Variants in KCNN3 observed in about 807,000 individuals in gnomAD.
KCNN3 encodes potassium calcium-activated channel subfamily N member 3.
KCNN3 carries 16 observed loss-of-function variants against 62.9 expected under a neutral mutation model. The ratio of observed to expected loss-of-function variants is 0.25; its 90% CI spans 0.17 to 0.39. The LOEUF is 0.39. Ranked by LOEUF, KCNN3 falls within the 10% of genes least tolerant of loss-of-function variation. The pLI is 1.00. For synonymous variants in KCNN3, 370 were observed against 389.2 expected (o/e 0.95, Z 0.58); for missense variants, 599 against 949.4 (o/e 0.63, Z 4.85).
intron 4 of KCNN3, 79 bp downstream of exon 4, chr1:154,732,924 G>A: frequency 6.6e-7 from 1 of 1,526,272 alleles, no homozygotes; most frequent in South Asian, 1.1e-5. Context: ...GGCTAGGAAG[G>A]CCCCTATGTG....
At chr1:154,779,716 T>C (rs72700250) in intron 2 of KCNN3, among the ~76,000 whole-genome samples, 339 of 152,232 alleles carry the variant, frequency 2.2e-3, no homozygotes, top group Non-Finnish European at 3.9e-3. Flanking sequence ...CAGTGGACCT[T>C]GTTGGCAAAT....
chr1:154,821,809 G>A (rs980864828), intron 2 of KCNN3, among the ~76,000 whole-genome samples: 2 of 152,220 alleles, frequency 1.3e-5, no homozygotes, highest in Admixed American at 6.5e-5. Context: ...TGAGGGTCCC[G>A]AATACGGCAG....
At chr1:154,855,444 G>A (rs1248905688) in intron 1 of KCNN3, among the ~76,000 whole-genome samples, 1 of 152,102 alleles carries the variant, frequency 6.6e-6, no homozygotes. Flanking sequence ...CATGGTAAGT[G>A]CCCTATACAG....
intron 1 of KCNN3, among the ~76,000 whole-genome samples, chr1:154,822,924 C>T (rs1650964125): frequency 6.6e-6 from 1 of 152,224 alleles, no homozygotes; most frequent in African/African-American, 2.4e-5. Context: ...GCATGACCTC[C>T]GGGGCCAGAC....
chr1:154,699,138 T>A lies in KCNN3; in HGVS notation c.*8838A>T, dbSNP rs1460604003. 1 of 150,378 alleles carries A rather than the reference T, an allele frequency of 6.6e-6. No individual in the cohort carries two copies. The highest frequency in any genetic ancestry group is 2.4e-5 in the African/African-American group (1 of 40,954). The allele number at this position is 150,378 out of a possible 1,614,324, so 9.3% of individuals were successfully genotyped here. A position where few individuals can be genotyped will look rare whatever the true frequency, so the allele number is the denominator to read the frequency against. On this transcript the variant is annotated 3_prime_UTR_variant, in exon 8 of 8. Coordinates refer to ENST00000271915, the MANE Select transcript of KCNN3 (RefSeq NM_002249.6). ...GAAAAATGTTTCCTCTTTGGTGACC[T>A]GAGAAAGTTTACCGTAACTCCATTC...
chr1:154,779,192 G>A (rs959362613), intron 2 of KCNN3, among the ~76,000 whole-genome samples: 2 of 152,072 alleles, frequency 1.3e-5, no homozygotes, highest in South Asian at 2.1e-4. Flanking sequence ...CCACAGAAAC[G>A]TGACCTAAAT....
At chr1:154,725,462 T>A (rs1000000159) in intron 5 of KCNN3, among the ~76,000 whole-genome samples, 5 of 152,080 alleles carry the variant, frequency 3.3e-5, no homozygotes, top group Non-Finnish European at 7.4e-5. Flanking sequence ...GTTTCCATTT[T>A]GTGTCTGGGG....
At chr1:154,824,418 T>C (rs191964319) in intron 1 of KCNN3, among the ~76,000 whole-genome samples, 23 of 152,312 alleles carry the variant, frequency 1.5e-4, no homozygotes, top group African/African-American at 5.5e-4. Context: ...TATTTTGATC[T>C]TCACAAGCAC....
rs1699993401 is a variant in KCNN3 at position 154,707,807 on chromosome 1, C to A, written c.*169G>T. On this transcript the variant is annotated 3_prime_UTR_variant, in exon 8 of 8. Coordinates refer to ENST00000271915, the MANE Select transcript of KCNN3 (RefSeq NM_002249.6). ...TAAACAGAGATTAGATTTCTGGTTT[C>A]AAGGCATGTCGGACCAAGCACGCTG... The A allele has an allele frequency of 1.3e-6, 1 of 745,148 alleles. No homozygotes were observed. Among genetic ancestry groups the A allele is most frequent in the Admixed American group, 3.0e-5 (1 of 33,344 alleles). 46.2% of individuals were successfully genotyped at this position (745,148 alleles called of 1,614,324 possible). A position where few individuals can be genotyped will look rare whatever the true frequency, so the allele number is the denominator to read the frequency against.
Position 154,808,952 on chromosome 1 carries a change from G to A in KCNN3, c.1029+13137C>T, listed in dbSNP as rs536897275. Among the ~76,000 whole-genome samples, 511 of 152,252 alleles carry A rather than the reference G, an allele frequency of 3.4e-3. 7 individuals carry two copies. Among genetic ancestry groups the A allele is most frequent in the African/African-American group, 0.012 (493 of 41,550 alleles). ...GGTGTCGGGCGGCTCCCGCAGAGCC[G>A]CCTCGTGGCTCTGAGTTCAGAGGCG... On this transcript the variant is annotated intron_variant, in intron 2 of 7. Coordinates refer to ENST00000271915, the MANE Select transcript of KCNN3 (RefSeq NM_002249.6).
intron 2 of KCNN3, among the ~76,000 whole-genome samples, chr1:154,784,695 G>A (rs569497047): frequency 1.4e-4 from 21 of 152,360 alleles, no homozygotes; most frequent in Admixed American, 6.5e-4. Context: ...GGAGCAGGGC[G>A]GCGGTCTCCA....
Position 154,826,742 on chromosome 1 carries a change from C to T in KCNN3, c.934-4558G>A, listed in dbSNP as rs547167358. Among the ~76,000 whole-genome samples, 15 of 152,296 alleles carry T rather than the reference C, an allele frequency of 9.8e-5. No individual in the cohort carries two copies. In the East Asian group the frequency reaches 2.7e-3, roughly 27 times the overall value. On this transcript the variant is annotated intron_variant, in intron 1 of 7. Transcript: ENST00000271915. ...CTCTCCTGGCCTGCCTTGTAGCTTCCAAAAACAGGCCAGAACTGTAATGAT... is the reference window on the plus strand; with the variant it reads ...CTCTCCTGGCCTGCCTTGTAGCTTCTAAAAACAGGCCAGAACTGTAATGAT...
At chr1:154,770,934 G>A (rs1360339961) in intron 3 of KCNN3, among the ~76,000 whole-genome samples, 2 of 152,124 alleles carry the variant, frequency 1.3e-5, no homozygotes, top group African/African-American at 2.4e-5. Flanking sequence ...GCGCATGCCT[G>A]TAATCTCAGC....
At chr1:154,734,723 T>C (rs1023032322) in intron 3 of KCNN3, among the ~76,000 whole-genome samples, 1 of 152,376 alleles carries the variant, frequency 6.6e-6, no homozygotes, top group African/African-American at 2.4e-5. Context: ...TGACGGATAC[T>C]GTGCATGTAT....
intron 1 of KCNN3, among the ~76,000 whole-genome samples, chr1:154,825,734 G>A (rs1007970166): frequency 6.6e-6 from 1 of 151,458 alleles, no homozygotes; most frequent in Non-Finnish European, 1.5e-5. Flanking sequence ...AAGTAGATTT[G>A]AGATCAGGCA....
At chr1:154,823,345 C>T (rs1650982396) in intron 1 of KCNN3, among the ~76,000 whole-genome samples, 1 of 152,172 alleles carries the variant, frequency 6.6e-6, no homozygotes, top group Non-Finnish European at 1.5e-5. Flanking sequence ...CTGAGTGGTG[C>T]ACGCCACAAA....
At chr1:154,717,908 C>T (rs1700263923) in intron 5 of KCNN3, among the ~76,000 whole-genome samples, 1 of 152,202 alleles carries the variant, frequency 6.6e-6, no homozygotes, top group African/African-American at 2.4e-5. Flanking sequence ...CCCTCCAGTT[C>T]ACCTGGCTGA....
At chr1:154,865,225 C>G (rs141624488) in intron 1 of KCNN3, among the ~76,000 whole-genome samples, 1 of 152,130 alleles carries the variant, frequency 6.6e-6, no homozygotes, top group Non-Finnish European at 1.5e-5. Flanking sequence ...AGAAGGACTC[C>G]CCAGGTCCTT....
intron 2 of KCNN3, among the ~76,000 whole-genome samples, chr1:154,777,808 C>T (rs570782465): frequency 8.6e-4 from 131 of 152,308 alleles, no homozygotes; most frequent in Middle Eastern, 3.4e-3. Flanking sequence ...CAGGGAGTAC[C>T]GTGGGCCCTC....
Sources: allele counts gnomAD v4.1 joint callset (sites outside exome capture counted in the v4.1 genomes callset), GRCh38; gene constraint gnomAD v4.1.1; transcripts MANE v1.5; gene names NCBI Gene and HGNC (gene_info 2026-07-23, HGNC 2026-07-21).